The following NRG1 variants were observed in gnomAD, a reference collection of about 807,000 sequenced individuals.
The protein encoded by NRG1 is pro-neuregulin-1, membrane-bound isoform.
NRG1 carries 18 observed loss-of-function variants against 63.8 expected under a neutral mutation model. That is an observed-to-expected ratio of 0.28 (90% CI 0.19 to 0.42). The LOEUF (loss-of-function observed/expected upper bound fraction) is 0.42. Among genes scored for constraint, NRG1 ranks in the 10% least tolerant of loss-of-function variants. The pLI is 1.00. For synonymous variants in NRG1, 302 were observed against 301.3 expected, an observed-to-expected ratio of 1.00 and a Z score of -0.02; for missense variants, 762 against 814.7, an observed-to-expected ratio of 0.94 and a Z score of 0.79.
intron 1 of NRG1, among the ~76,000 whole-genome samples, chr8:32,385,825 T>C (rs1007361235): frequency 3.9e-5 from 6 of 152,188 alleles, no homozygotes; most frequent in Admixed American, 6.5e-5. Context: ...TCACCTTCAG[T>C]TAAAGCAGCC....
chr8:32,138,682 C>A (rs1033779433), intron 1 of NRG1, among the ~76,000 whole-genome samples: 1 of 152,080 alleles, frequency 6.6e-6, no homozygotes, highest in Admixed American at 6.6e-5. Flanking sequence ...TCTGCCTCAG[C>A]CTCCCAAGTA....
At chr8:31,827,235 A>T (rs1348415422) in intron 1 of NRG1, among the ~76,000 whole-genome samples, 1 of 152,236 alleles carries the variant, frequency 6.6e-6, no homozygotes, top group African/African-American at 2.4e-5. Flanking sequence ...TGGATATTGT[A>T]CCTGAAAGTA....
chr8:31,738,686 G>A (rs908951784), intron 1 of NRG1, among the ~76,000 whole-genome samples: 1 of 152,018 alleles, frequency 6.6e-6, no homozygotes, highest in East Asian at 1.9e-4. Context: ...CTCCCTGTGG[G>A]GTTCTGGCAG....
intron 1 of NRG1, among the ~76,000 whole-genome samples, chr8:32,346,687 A>G (rs888412131): frequency 1.3e-5 from 2 of 152,112 alleles, no homozygotes; most frequent in Non-Finnish European, 2.9e-5. Context: ...TCTTCCTGGA[A>G]GTCCATTTTT....
intron 1 of NRG1, among the ~76,000 whole-genome samples, chr8:32,284,615 C>T (rs1215712865): frequency 6.6e-6 from 1 of 152,004 alleles, no homozygotes; most frequent in Non-Finnish European, 1.5e-5. Flanking sequence ...ACAGCAGCCT[C>T]GGCCTTCCAG....
chr8:32,332,619 A>G (rs889976500), intron 1 of NRG1, among the ~76,000 whole-genome samples: 9 of 152,220 alleles, frequency 5.9e-5, no homozygotes, highest in African/African-American at 1.7e-4. Context: ...TCACAATTCT[A>G]TGAGAGCAGT....
intron 1 of NRG1, among the ~76,000 whole-genome samples, chr8:31,963,207 A>G (rs936164077): frequency 6.6e-6 from 1 of 152,232 alleles, no homozygotes; most frequent in Non-Finnish European, 1.5e-5. Context: ...TGCCAATGAA[A>G]CAATAGGGCT....
At chr8:32,347,384 G>C (rs1446739018) in intron 1 of NRG1, among the ~76,000 whole-genome samples, 2 of 152,032 alleles carry the variant, frequency 1.3e-5, no homozygotes, top group Non-Finnish European at 2.9e-5. Context: ...ATTCATTAAG[G>C]ACAAGAACCC....
chr8:31,834,330 C>T (rs2047850), intron 1 of NRG1, among the ~76,000 whole-genome samples: 68 of 151,468 alleles, frequency 4.5e-4, no homozygotes, highest in African/African-American at 1.4e-3. Flanking sequence ...CACACACACA[C>T]GCACACCAAT....
chr8:32,748,034 A>G (rs1827809056), intron 7 of NRG1, among the ~76,000 whole-genome samples: 1 of 152,018 alleles, frequency 6.6e-6, no homozygotes, highest in Admixed American at 6.6e-5. Context: ...GTCCAAAGTC[A>G]CTAAAAAGTT....
chr8:31,787,143 A>C (rs1038451813), intron 1 of NRG1, among the ~76,000 whole-genome samples: 1 of 152,200 alleles, frequency 6.6e-6, no homozygotes, highest in Admixed American at 6.5e-5. Context: ...TGAAGACCAA[A>C]CATGTATTTC....
chr8:32,756,657 G>T, intron 9 of NRG1, 128 bp downstream of exon 9: 2 of 1,325,406 alleles, frequency 1.5e-6, no homozygotes, highest in South Asian at 1.6e-5. Context: ...CAGGAATCCA[G>T]GTTTTTGCCA....
At chr8:32,478,232 G>C (rs759672943) in intron 1 of NRG1, among the ~76,000 whole-genome samples, 1 of 151,312 alleles carries the variant, frequency 6.6e-6, no homozygotes, top group Non-Finnish European at 1.5e-5. Flanking sequence ...CCCTTAAGCA[G>C]GGAGGCATTT....
chr8:32,532,784 C>G (rs4733351), intron 1 of NRG1, among the ~76,000 whole-genome samples: 1 of 151,966 alleles, frequency 6.6e-6, no homozygotes. Context: ...AAAAACTTTA[C>G]TTCATGACTA....
rs571170358 is a variant in NRG1, at chr8:32,334,536, T to G, written c.38-261292T>G. 5.3e-5 allele frequency among the ~76,000 whole-genome samples: 8 copies of G among 152,264 alleles called. No homozygotes were observed. The East Asian group carries it at 1.4e-3, about 26-fold the overall frequency. ...GATGATTCATAGTTAAATATTTGCATCTCCTCTGGCTAAGAAAAATAAAAG... is the reference window on the plus strand; with the variant it reads ...GATGATTCATAGTTAAATATTTGCAGCTCCTCTGGCTAAGAAAAATAAAAG... On this transcript the variant is annotated intron_variant, in intron 1 of 10. Transcript: ENST00000519301.
At chr8:32,587,508 A>G (rs1186197484) in intron 1 of NRG1, among the ~76,000 whole-genome samples, 1 of 150,108 alleles carries the variant, frequency 6.7e-6, no homozygotes, top group African/African-American at 2.5e-5. Context: ...GAGCGGCATA[A>G]GAGTCCTAGC....
chr8:31,981,826 CA>C (rs553123118), intron 1 of NRG1, among the ~76,000 whole-genome samples: 15 of 148,296 alleles, frequency 1.0e-4, no homozygotes, highest in Middle Eastern at 3.4e-3. Context: ...TAAGAGCTTA[CA>C]AAAAAAAAGG....
At chr8:31,995,394 CAG>C (rs1554596066) in intron 1 of NRG1, among the ~76,000 whole-genome samples, 1 of 151,874 alleles carries the variant, frequency 6.6e-6, no homozygotes, top group Non-Finnish European at 1.5e-5. Context: ...TATAATCCTG[CAG>C]AGTTTTTCAC....
intron 1 of NRG1, among the ~76,000 whole-genome samples, chr8:31,947,955 A>AC (rs1343243500): frequency 3.3e-4 from 50 of 150,318 alleles, no homozygotes; most frequent in African/African-American, 1.2e-3. Context: ...AAAAAAAAAA[A>AC]AAAAAAAAAA....
Sources: gnomAD v4.1 joint callset for allele counts (sites outside exome capture counted in the v4.1 genomes callset) on GRCh38, gnomAD v4.1.1 for gene constraint, MANE v1.5 for transcripts, NCBI Gene and HGNC (gene_info 2026-07-23, HGNC 2026-07-21) for gene names.